POLR3C: variants seen among roughly 807,000 people sequenced by gnomAD.
The protein encoded by POLR3C is DNA-directed RNA polymerase III subunit RPC3.
A neutral mutation model predicts 65.9 loss-of-function variants in POLR3C; 44 were observed. That is an observed-to-expected ratio of 0.67 (90% CI 0.52 to 0.86). The LOEUF (loss-of-function observed/expected upper bound fraction) is 0.86, where lower values mean the gene tolerates loss of function less well. POLR3C is among the 40% of genes least tolerant of loss of function. The pLI, the probability that POLR3C is intolerant of heterozygous loss-of-function variation, is 0.00. For synonymous variants in POLR3C, 263 were observed against 231.6 expected, an observed-to-expected ratio of 1.14 and a Z score of -1.23; for missense variants, 576 against 653.2, an observed-to-expected ratio of 0.88 and a Z score of 1.29.
At chr1:145,828,507 A>G (rs142324001) in intron 4 of POLR3C, among the ~76,000 whole-genome samples, 2 of 152,304 alleles carry the variant, frequency 1.3e-5, no homozygotes, top group East Asian at 1.9e-4. Flanking sequence ...TGGGAGGATG[A>G]TATCACTGGC....
chr1:145,832,908 A>G (rs1651453862), intron 5 of POLR3C, among the ~76,000 whole-genome samples: 1 of 152,024 alleles, frequency 6.6e-6, no homozygotes, highest in African/African-American at 2.4e-5. Context: ...TGTAATCCCA[A>G]CTACTCAGTA....
intron 2 of POLR3C, 28 bp from the exon 3 acceptor site, chr1:145,826,426 C>T: frequency 6.2e-7 from 1 of 1,607,144 alleles, no homozygotes; most frequent in Non-Finnish European, 8.5e-7. Flanking sequence ...GGTCTTTCCT[C>T]TCTTTCTTCT....
At chr1:145,824,559 T>A in intron 1 of POLR3C, 190 bp downstream of exon 1, 1 of 1,285,280 alleles carries the variant, frequency 7.8e-7, no homozygotes, top group Non-Finnish European at 1.0e-6. Flanking sequence ...TCTCTGGTGA[T>A]ACTGAGGCGG....
intron 1 of POLR3C, among the ~76,000 whole-genome samples, chr1:145,824,926 TGACA>T (rs782478906): frequency 6.6e-6 from 1 of 152,128 alleles, no homozygotes; most frequent in Non-Finnish European, 1.5e-5. Context: ...CTAAGGTCTG[TGACA>T]GACCGCAAAA....
intron 5 of POLR3C, among the ~76,000 whole-genome samples, chr1:145,830,251 C>T (rs1316007197): frequency 7.0e-6 from 1 of 142,532 alleles, no homozygotes; most frequent in Admixed American, 7.0e-5. Context: ...TGATGCAAAA[C>T]AAAATTAGAA....
rs759015657 is a variant in POLR3C, at chr1:145,844,234, T to C, written c.*1814T>C. Among the ~76,000 whole-genome samples the C allele has an allele frequency of 4.2e-4, 64 of 152,200 alleles. No homozygotes were observed. The highest frequency in any genetic ancestry group is 7.5e-4 in the Non-Finnish European group (51 of 68,040). ...CACTCCCATGTTTATTGCAGCAGTA[T>C]TCACGATAGCCAAAACATGGAATCA... On this transcript the variant is annotated 3_prime_UTR_variant, in exon 15 of 15. Transcript: ENST00000334163.
At chr1:145,827,289 A>G (rs981609509) in intron 4 of POLR3C, among the ~76,000 whole-genome samples, 1 of 152,230 alleles carries the variant, frequency 6.6e-6, no homozygotes, top group African/African-American at 2.4e-5. Flanking sequence ...CATTAATCAG[A>G]AAATCACATC....
chr1:145,833,371 C>T lies in POLR3C; in HGVS notation c.783+7C>T, dbSNP rs782535744. On this transcript the variant is annotated splice_region_variant and intron_variant, in intron 6 of 14. Transcript: ENST00000334163. Reference sequence around the variant, plus strand: ...TGCTAACAGGATGGACCAGGTAATACCTAAGTGGGTCTGTCATTGGTCATC... The same window carrying T: ...TGCTAACAGGATGGACCAGGTAATATCTAAGTGGGTCTGTCATTGGTCATC... 4 of 1,586,870 alleles carry T rather than the reference C, an allele frequency of 2.5e-6. No homozygotes were observed. Among genetic ancestry groups the T allele is most frequent in the Admixed American group, 1.7e-5 (1 of 59,916 alleles).
At chr1:145,839,672 A>G (rs1652134409) in intron 11 of POLR3C, 3 of 456,006 alleles carry the variant, frequency 6.6e-6, no homozygotes, top group South Asian at 3.6e-5. Context: ...TGGAAGTTGC[A>G]GTGAGCTGAT....
chr1:145,840,074 A>G, intron 12 of POLR3C, 42 bp from the exon 13 acceptor site: 1 of 1,562,390 alleles, frequency 6.4e-7, no homozygotes, highest in Non-Finnish European at 8.8e-7. Context: ...AGCTGCTGAA[A>G]TAGAACTATG....
intron 14 of POLR3C, among the ~76,000 whole-genome samples, chr1:145,842,041 T>C (rs1251979727): frequency 2.0e-5 from 3 of 152,230 alleles, no homozygotes; most frequent in African/African-American, 7.2e-5. Context: ...CTTGCTATTT[T>C]AAAACACACT....
At chr1:145,841,576 T>C (rs1652296582) in intron 14 of POLR3C, among the ~76,000 whole-genome samples, 1 of 152,236 alleles carries the variant, frequency 6.6e-6, no homozygotes, top group Non-Finnish European at 1.5e-5. Context: ...TTTTGGATAC[T>C]AGTTTAGTGG....
In POLR3C at chr1:145,826,951, A is replaced by C. The variant is rs1339762030; in HGVS notation, c.535A>C (p.Thr179Pro). Reference protein sequence around the residue: ...SDPGPPPPAPTLVINEKDMYL... With the variant: ...SDPGPPPPAPPLVINEKDMYL... The stretch of plus-strand genomic sequence containing the variant: ...CCCTGGGCCACCACCACCTGCCCCC[A>C]CACTTGTCATTAATGAAAAGGACAT... Residue 179 changes from threonine to proline, a missense_variant, in exon 4 of 15, where the codon ACA becomes CCA. Transcript: ENST00000334163. The C allele has an allele frequency of 6.2e-7, 1 of 1,612,532 alleles. No individual in the cohort carries two copies. Among genetic ancestry groups the C allele is most frequent in the African/African-American group, 1.3e-5 (1 of 74,756 alleles).
Position 145,838,120 on chromosome 1 carries a change from C to A in POLR3C, c.1135C>A (p.Gln379Lys). 1 of 1,613,364 alleles carries A rather than the reference C, an allele frequency of 6.2e-7. No homozygotes were observed. Among genetic ancestry groups the A allele is most frequent in the Non-Finnish European group, 8.5e-7 (1 of 1,179,278 alleles). The change falls in exon 11 of 15, where the codon CAA (glutamine) becomes AAA (lysine). Residue 379 changes from glutamine (Q) to lysine (K), a missense_variant. Coordinates refer to ENST00000334163, the MANE Select transcript of POLR3C (RefSeq NM_006468.8). ...GCAGAAGAAACACATAGAGCAGAAG[C>A]AAGTGGAAGACTTTGCAATGATTCC... is the stretch of plus-strand genomic sequence containing the variant. Reference protein sequence around the residue: ...VLQKKHIEQKQVEDFAMIPAK... With the variant: ...VLQKKHIEQKKVEDFAMIPAK...
In POLR3C at chr1:145,828,787, G is replaced by T; in HGVS notation, c.628G>T (p.Ala210Ser). 1 of 1,611,214 alleles carries T rather than the reference G, an allele frequency of 6.2e-7. No homozygotes were observed. Among genetic ancestry groups the T allele is most frequent in the Non-Finnish European group, 8.5e-7 (1 of 1,177,348 alleles). ...GAGGAGATCATCTGATGAAGATGCT[G>T]CTGGGGAGCCCAAGGCCAAGAGACC... ...KRRRSSDEDA[A>S]GEPKAKRPKY... Residue 210 changes from alanine to serine, a missense_variant, in exon 5 of 15, where the codon GCT becomes TCT. Physicochemically the swap from Ala to Ser is moderately conservative, Grantham distance 99. Coordinates refer to ENST00000334163, the MANE Select transcript of POLR3C (RefSeq NM_006468.8).
intron 7 of POLR3C, among the ~76,000 whole-genome samples, chr1:145,836,107 CTAAAAT>C (rs1559149347): frequency 1.5e-5 from 2 of 132,142 alleles, no homozygotes; most frequent in Admixed American, 7.8e-5. Context: ...TTTGTGGTAA[CTAAAAT>C]TAAAACTTTT....
rs1168785376 is a variant in POLR3C at position 145,839,730 on chromosome 1, CAAAAT to C, written c.1222-156_1222-152del. On this transcript the variant is annotated intron_variant, in intron 11 of 14. Coordinates refer to ENST00000334163, the MANE Select transcript of POLR3C (RefSeq NM_006468.8). Reference sequence around the variant, plus strand: ...TAGGTAACAGAGCAAGACCCAGTCTCAAAATAAATAAATAAAATAAACACAGGTAC... The same window carrying C: ...TAGGTAACAGAGCAAGACCCAGTCTCAAATAAATAAAATAAACACAGGTAC... 6.5e-5 allele frequency: 38 copies of C among 588,954 alleles called. No individual in the cohort carries two copies. The South Asian group carries it at 8.0e-4, about 12-fold the overall frequency. 36.5% of individuals were successfully genotyped at this position (588,954 alleles called of 1,614,324 possible).
intron 1 of POLR3C, among the ~76,000 whole-genome samples, chr1:145,825,142 A>G (rs12402787): frequency 0.29 from 43,213 of 151,584 alleles, 7,174 homozygotes; most frequent in Non-Finnish European, 0.37. Flanking sequence ...AGAATCTCGC[A>G]CTGTCGCCCG....
intron 7 of POLR3C, 126 bp from the exon 8 acceptor site, chr1:145,836,368 C>G: frequency 1.5e-6 from 1 of 672,984 alleles, no homozygotes; most frequent in Non-Finnish European, 2.7e-6. Context: ...GATCCACCTG[C>G]CTCAGCCTCC....
Sources: allele counts gnomAD v4.1 joint callset (sites outside exome capture counted in the v4.1 genomes callset), GRCh38; gene constraint gnomAD v4.1.1; transcripts MANE v1.5; gene names NCBI Gene and HGNC (gene_info 2026-07-23, HGNC 2026-07-21).